ARB2A: variants seen among roughly 807,000 people sequenced by gnomAD.
ARB2A encodes the protein cotranscriptional regulator ARB2A.
the ARB2A span, among the ~76,000 whole-genome samples, chr5:93,867,461 A>G: frequency 6.6e-6 from 1 of 152,136 alleles, no homozygotes; most frequent in East Asian, 1.9e-4. Flanking sequence ...CTCTGTCGCC[A>G]GGCTGGAGTG....
At chr5:93,935,889 AAG>A in the ARB2A span, among the ~76,000 whole-genome samples, 1 of 152,188 alleles carries the variant, frequency 6.6e-6, no homozygotes, top group South Asian at 2.1e-4. Flanking sequence ...ACGGCAGAAA[AAG>A]AAAAGAATGA....
At chr5:93,809,186 T>TAA in the ARB2A span, among the ~76,000 whole-genome samples, 3 of 152,114 alleles carry the variant, frequency 2.0e-5, no homozygotes, top group African/African-American at 7.2e-5. Flanking sequence ...TTTGAAGCAG[T>TAA]TTACTTAGCC....
chr5:94,099,751 C>T, the ARB2A span, among the ~76,000 whole-genome samples: 1 of 151,202 alleles, frequency 6.6e-6, no homozygotes, highest in Non-Finnish European at 1.5e-5. Flanking sequence ...CATGCCATCA[C>T]GTTAAAAATT....
the ARB2A span, among the ~76,000 whole-genome samples, chr5:93,722,438 C>T: frequency 1.3e-5 from 2 of 151,938 alleles, no homozygotes; most frequent in South Asian, 2.1e-4. Flanking sequence ...ATAATGACAG[C>T]CTGAGATTAA....
the ARB2A span, among the ~76,000 whole-genome samples, chr5:93,831,937 T>G: frequency 3.3e-5 from 5 of 152,144 alleles, no homozygotes; most frequent in African/African-American, 1.2e-4. Context: ...CTTTAGACTT[T>G]TAAACCAAAT....
chr5:93,925,160 T>C, the ARB2A span, among the ~76,000 whole-genome samples: 108,937 of 151,986 alleles, frequency 0.72, 40,649 homozygotes, highest in South Asian at 0.85. Context: ...ATCTATTAAT[T>C]TTGTATCTAT....
the ARB2A span, among the ~76,000 whole-genome samples, chr5:93,685,610 C>T: frequency 6.6e-6 from 1 of 152,178 alleles, no homozygotes; most frequent in African/African-American, 2.4e-5. Context: ...AAAATCTTAG[C>T]TGTTAGTTTG....
At chr5:94,053,741 A>G in the ARB2A span, among the ~76,000 whole-genome samples, 1 of 152,152 alleles carries the variant, frequency 6.6e-6, no homozygotes, top group Non-Finnish European at 1.5e-5. Context: ...CCATGCAACC[A>G]AAAAAACTCT....
chr5:93,902,264 G>C, the ARB2A span, among the ~76,000 whole-genome samples: 2 of 151,930 alleles, frequency 1.3e-5, no homozygotes, highest in Admixed American at 1.3e-4. Context: ...AAAATAGGAA[G>C]GCTACCCTAA....
the ARB2A span, among the ~76,000 whole-genome samples, chr5:93,643,506 T>C: frequency 4.0e-3 from 602 of 152,324 alleles, 5 homozygotes; most frequent in African/African-American, 0.014. Context: ...TATTTATTTA[T>C]TTTTGAGATG....
chr5:93,689,776 T>C, the ARB2A span, among the ~76,000 whole-genome samples: 2 of 152,072 alleles, frequency 1.3e-5, no homozygotes, highest in African/African-American at 4.8e-5. Flanking sequence ...CACCACAACT[T>C]CTGCCTCCTG....
chr5:93,643,910 T>G, the ARB2A span, among the ~76,000 whole-genome samples: 1 of 152,248 alleles, frequency 6.6e-6, no homozygotes, highest in Non-Finnish European at 1.5e-5. Context: ...GTATTTACTA[T>G]ATTCCTGGTA....
At chr5:94,093,077 T>C in the ARB2A span, among the ~76,000 whole-genome samples, 1 of 152,200 alleles carries the variant, frequency 6.6e-6, no homozygotes, top group Non-Finnish European at 1.5e-5. Context: ...CTTCTACTTT[T>C]ATATACCTGT....
chr5:94,040,077 T>C, the ARB2A span, among the ~76,000 whole-genome samples: 49 of 152,216 alleles, frequency 3.2e-4, no homozygotes, highest in African/African-American at 1.1e-3. Context: ...GGCCCAAAAC[T>C]GAGGAGGGTT....
At chr5:93,741,070 C>G in the ARB2A span, 1 of 1,613,940 alleles carries the variant, frequency 6.2e-7, no homozygotes, top group Non-Finnish European at 8.5e-7. Flanking sequence ...CTCGAAGCGG[C>G]AGATGGTCGT....
the ARB2A span, among the ~76,000 whole-genome samples, chr5:93,692,832 T>C: frequency 3.3e-5 from 5 of 152,224 alleles, no homozygotes; most frequent in African/African-American, 1.2e-4. Context: ...TGCAAAAGAA[T>C]GGAAATCATA....
the ARB2A span, among the ~76,000 whole-genome samples, chr5:93,684,204 T>C: frequency 1.2e-4 from 19 of 152,172 alleles, no homozygotes; most frequent in Admixed American, 1.2e-3. Context: ...GGAAAATGAA[T>C]GTATTTGCAT....
At chr5:93,776,386 T>C in the ARB2A span, 1 of 566,536 alleles carries the variant, frequency 1.8e-6, no homozygotes, top group Non-Finnish European at 3.1e-6. Flanking sequence ...TTTTCTTATG[T>C]AAACAGTCGG....
the ARB2A span, among the ~76,000 whole-genome samples, chr5:93,884,765 TTTAAAA>T: frequency 6.6e-6 from 1 of 151,590 alleles, no homozygotes; most frequent in African/African-American, 2.4e-5. Flanking sequence ...AAAACTAACA[TTTAAAA>T]TTAAAATATT....
Sources: allele counts gnomAD v4.1 joint callset (sites outside exome capture counted in the v4.1 genomes callset), GRCh38; gene constraint gnomAD v4.1.1; transcripts MANE v1.5; gene names NCBI Gene and HGNC (gene_info 2026-07-23, HGNC 2026-07-21).